LYRM1: variants seen among roughly 807,000 people sequenced by gnomAD.
LYRM1 encodes the protein LYR motif-containing protein 1.
LYRM1 carries 14 observed loss-of-function variants against 14.9 expected under a neutral mutation model. That is an observed-to-expected ratio of 0.94 (90% CI 0.62 to 1.47). The LOEUF (loss-of-function observed/expected upper bound fraction) is 1.47. LYRM1 is among the 40% of genes most tolerant of loss of function. LYRM1 has a pLI of 0.00. For missense variants in LYRM1, 153 were observed against 149.9 expected, an observed-to-expected ratio of 1.02 and a Z score of -0.11; for synonymous variants, 43 against 56.2, an observed-to-expected ratio of 0.77 and a Z score of 1.05.
rs115625009 is a variant in LYRM1 at position 20,923,851 on chromosome 16, G to T, written c.253-149G>T. ...TAGAATAATAATCCCTTATGAGGTT[G>T]TTGTAGGATTAACTTGTGTAAAGAT... On this transcript the variant is annotated intron_variant, in intron 3 of 3. Coordinates refer to ENST00000567954, the MANE Select transcript of LYRM1 (RefSeq NM_001128302.3). The T allele has an allele frequency of 1.4e-3, 742 of 536,804 alleles. 5 individuals are homozygous for T. The highest frequency in any genetic ancestry group is 0.013 in the African/African-American group (653 of 52,214). 33.3% of individuals were successfully genotyped at this position (536,804 alleles called of 1,614,324 possible).
chr16:20,900,579 C>T (rs1390076390), upstream of LYRM1: 1 of 152,238 alleles, frequency 6.6e-6, no homozygotes, highest in Admixed American at 6.5e-5. Flanking sequence ...TGGGCTGGAC[C>T]ATTTTTTTTT....
rs1057524384 is a variant in LYRM1 at position 20,915,689 on chromosome 16, G to T, written c.134G>T (p.Arg45Ile). ...AAACAGTACATACTAAATGAAGCCA[G>T]AACGCTGTTCCGGAAAAACAAAAAT... Reference protein sequence around the residue: ...KEKQYILNEARTLFRKNKNLT... With the variant: ...KEKQYILNEAITLFRKNKNLT... The change falls in exon 2 of 4, where the codon AGA becomes ATA. Residue 45 changes from arginine to isoleucine, a missense_variant. Coordinates refer to ENST00000567954, the MANE Select transcript of LYRM1 (RefSeq NM_001128302.3). The T allele has an allele frequency of 6.2e-7, 1 of 1,614,126 alleles. No homozygotes were observed. Among genetic ancestry groups the T allele is most frequent in the Non-Finnish European group, 8.5e-7 (1 of 1,179,992 alleles).
intron 2 of LYRM1, among the ~76,000 whole-genome samples, chr16:20,919,519 A>G (rs1567464094): frequency 1.3e-5 from 2 of 152,240 alleles, no homozygotes; most frequent in Non-Finnish European, 2.9e-5. Context: ...TTTTAGATAC[A>G]TATGCATGTA....
chr16:20,902,017 A>G (rs555268236), intron 1 of LYRM1, among the ~76,000 whole-genome samples: 3 of 152,304 alleles, frequency 2.0e-5, no homozygotes, highest in Admixed American at 6.5e-5. Context: ...TCTGCTACTC[A>G]GGAGAATCGC....
At chr16:20,914,533 G>A (rs2082775818) in intron 1 of LYRM1, among the ~76,000 whole-genome samples, 2 of 150,840 alleles carry the variant, frequency 1.3e-5, no homozygotes, top group Admixed American at 1.3e-4. Context: ...AACTCCCGAG[G>A]TCAAGCAATC....
At chr16:20,905,754 T>C (rs2152529930) in intron 1 of LYRM1, among the ~76,000 whole-genome samples, 2 of 152,344 alleles carry the variant, frequency 1.3e-5, no homozygotes, top group Non-Finnish European at 2.9e-5. Context: ...GGTTACATCA[T>C]AGCTGTGTCT....
chr16:20,923,016 CCTT>C (rs955028961), intron 3 of LYRM1, among the ~76,000 whole-genome samples: 3 of 152,134 alleles, frequency 2.0e-5, no homozygotes, highest in Non-Finnish European at 4.4e-5. Context: ...AGCCGCTTCC[CCTT>C]CTTCTGCCTG....
intron 2 of LYRM1, among the ~76,000 whole-genome samples, chr16:20,916,655 A>T (rs2082916796): frequency 6.6e-6 from 1 of 152,176 alleles, no homozygotes; most frequent in South Asian, 2.1e-4. Flanking sequence ...CTGCCTGGCC[A>T]CCTGAAGGAC....
chr16:20,914,958 G>A (rs59149552), intron 1 of LYRM1, among the ~76,000 whole-genome samples: 2,728 of 152,268 alleles, frequency 0.018, 78 homozygotes, highest in African/African-American at 0.061. Flanking sequence ...TAATTTTACT[G>A]GACTGGCTTA....
At chr16:20,920,323 C>T in intron 3 of LYRM1, 109 bp downstream of exon 3, 1 of 815,826 alleles carries the variant, frequency 1.2e-6, no homozygotes, top group South Asian at 1.4e-5. Flanking sequence ...CCCAGAGCTG[C>T]TGTGGGAGGC....
chr16:20,923,663 T>G (rs897894543), intron 3 of LYRM1, among the ~76,000 whole-genome samples: 3 of 152,206 alleles, frequency 2.0e-5, no homozygotes, highest in Non-Finnish European at 4.4e-5. Flanking sequence ...ACTTGCTATG[T>G]GATCCATGCT....
chr16:20,915,377 G>A (rs939844753), intron 1 of LYRM1, among the ~76,000 whole-genome samples, 179 bp from the exon 2 acceptor site: 13 of 150,524 alleles, frequency 8.6e-5, no homozygotes, highest in African/African-American at 2.2e-4. Context: ...GGAGAATGGC[G>A]TGAACCCGGG....
intron 1 of LYRM1, among the ~76,000 whole-genome samples, chr16:20,908,011 A>C (rs2082407187): frequency 6.6e-6 from 1 of 152,254 alleles, no homozygotes; most frequent in South Asian, 2.1e-4. Flanking sequence ...ATAAATGTTG[A>C]GTGAGTGGAT....
intron 3 of LYRM1, among the ~76,000 whole-genome samples, chr16:20,923,658 C>T (rs1036477970): frequency 8.5e-5 from 13 of 152,136 alleles, no homozygotes; most frequent in African/African-American, 2.9e-4. Context: ...TCTCAACTTG[C>T]TATGTGATCC....
intron 3 of LYRM1, among the ~76,000 whole-genome samples, chr16:20,923,185 C>T (rs781476706): frequency 7.9e-5 from 12 of 152,064 alleles, no homozygotes; most frequent in Non-Finnish European, 1.6e-4. Flanking sequence ...GCACCCATTG[C>T]CAATCAGATT....
chr16:20,923,868 T>C lies in LYRM1; in HGVS notation c.253-132T>C. ...ATGAGGTTGTTGTAGGATTAACTTG[T>C]GTAAAGATTAATGAATCAATGTAGA... On this transcript the variant is annotated intron_variant, in intron 3 of 3. Coordinates refer to ENST00000567954, the MANE Select transcript of LYRM1 (RefSeq NM_001128302.3). 1.8e-5 allele frequency: 10 copies of C among 562,612 alleles called. 1 individual carries two copies. The South Asian group carries it at 2.6e-4, about 15-fold the overall frequency. The allele number at this position is 562,612 out of a possible 1,614,324, so 34.9% of individuals were successfully genotyped here.
chr16:20,908,959 A>G (rs955921944), intron 1 of LYRM1, among the ~76,000 whole-genome samples: 2 of 152,236 alleles, frequency 1.3e-5, no homozygotes, highest in Non-Finnish European at 2.9e-5. Flanking sequence ...TAGCTTAAAA[A>G]GTTTTCTAAT....
intron 1 of LYRM1, among the ~76,000 whole-genome samples, chr16:20,908,683 C>G (rs1203760966): frequency 6.6e-6 from 1 of 152,208 alleles, no homozygotes; most frequent in Non-Finnish European, 1.5e-5. Flanking sequence ...GGAATTCAGA[C>G]TCAGAGAAGA....
intron 1 of LYRM1, among the ~76,000 whole-genome samples, chr16:20,909,121 T>C (rs995343315): frequency 6.6e-6 from 1 of 152,126 alleles, no homozygotes; most frequent in Non-Finnish European, 1.5e-5. Flanking sequence ...GGGACACATC[T>C]CTTAACTATG....
Sources: allele counts gnomAD v4.1 joint callset (sites outside exome capture counted in the v4.1 genomes callset), GRCh38; gene constraint gnomAD v4.1.1; transcripts MANE v1.5; gene names NCBI Gene and HGNC (gene_info 2026-07-23, HGNC 2026-07-21).